RPN1: variants seen among roughly 807,000 people sequenced by gnomAD.
RPN1 encodes the protein dolichyl-diphosphooligosaccharide--protein glycosyltransferase subunit 1.
In RPN1, 12 loss-of-function variants were observed where a neutral mutation model predicts 55.5. The observed-to-expected ratio is 0.22, with a 90% CI of 0.14 to 0.35. RPN1 has a LOEUF of 0.35. Among genes scored for constraint, RPN1 ranks in the 10% least tolerant of loss-of-function variants. The probability of loss-of-function intolerance (pLI) is 1.00; values close to 1 mark genes in which losing one functional copy is unlikely to be tolerated. For missense variants in RPN1, 679 were observed against 761.3 expected (o/e 0.89, Z 1.27); for synonymous variants, 317 against 305.9 (o/e 1.04, Z -0.38).
At chr3:128,628,174 T>C (rs1407780116) in intron 5 of RPN1, among the ~76,000 whole-genome samples, 4 of 151,984 alleles carry the variant, frequency 2.6e-5, no homozygotes, top group Non-Finnish European at 4.4e-5. Context: ...GGAGAATCTC[T>C]TGAACCCAGG....
In RPN1 at chr3:128,634,444, A is replaced by G. The variant is rs144605401; in HGVS notation, c.634-2287T>C. 4.5e-4 allele frequency among the ~76,000 whole-genome samples: 69 copies of G among 152,298 alleles called. 1 individual carries two copies. The highest frequency in any genetic ancestry group is 1.5e-3 in the African/African-American group (63 of 41,568). On this transcript the variant is annotated intron_variant, in intron 3 of 9. Transcript: ENST00000296255. ...TATACATAATATGACAATAAGCATA[A>G]TAAGTACATTAAAAAGCCCTATGCT...
chr3:128,636,964 C>G (rs1011918621), intron 3 of RPN1, among the ~76,000 whole-genome samples: 1 of 152,186 alleles, frequency 6.6e-6, no homozygotes, highest in African/African-American at 2.4e-5. Context: ...AGGCCAGGGA[C>G]CATGGCTCAT....
chr3:128,620,379 A>ACCCTGGGCC lies in RPN1; in HGVS notation c.*23_*31dup, dbSNP rs757042511. On this transcript the variant is annotated 3_prime_UTR_variant, in exon 10 of 10. Coordinates refer to ENST00000296255, the MANE Select transcript of RPN1 (RefSeq NM_002950.4). ...CTGCCTGCCACAGCAAAGTGCAGGC[A>ACCCTGGGCC]CCCTGGGCCCCCTGGAGGATGCGGG... is the stretch of plus-strand genomic sequence containing the variant. The ACCCTGGGCC allele has an allele frequency of 1.4e-4, 228 of 1,588,834 alleles. No individual in the cohort carries two copies. Among genetic ancestry groups the ACCCTGGGCC allele is most frequent in the Non-Finnish European group, 3.8e-5 (44 of 1,163,748 alleles).
At chr3:128,631,883 G>A in intron 4 of RPN1, 65 bp downstream of exon 4, 1 of 1,565,106 alleles carries the variant, frequency 6.4e-7, no homozygotes, top group Non-Finnish European at 8.8e-7. Flanking sequence ...GTTTCGAAAA[G>A]CAAAGAATAG....
chr3:128,647,368 T>C (rs1211333957), intron 1 of RPN1, among the ~76,000 whole-genome samples: 1 of 152,052 alleles, frequency 6.6e-6, no homozygotes, highest in Non-Finnish European at 1.5e-5. Flanking sequence ...ACAAACAAGT[T>C]TCATTACTTT....
At chr3:128,640,721 C>T (rs1343635897) in intron 2 of RPN1, among the ~76,000 whole-genome samples, 1 of 152,172 alleles carries the variant, frequency 6.6e-6, no homozygotes, top group Non-Finnish European at 1.5e-5. Flanking sequence ...GCCCTGTCCC[C>T]AATACCTGGG....
intron 9 of RPN1, among the ~76,000 whole-genome samples, chr3:128,620,802 G>A (rs375609743): frequency 3.3e-5 from 5 of 152,142 alleles, no homozygotes; most frequent in African/African-American, 7.2e-5. Flanking sequence ...CACAAGCCCC[G>A]TTCTTACGCC....
intron 3 of RPN1, 21 bp from the exon 4 acceptor site, chr3:128,632,178 A>G: frequency 6.2e-7 from 1 of 1,612,512 alleles, no homozygotes; most frequent in Non-Finnish European, 8.5e-7. Context: ...GGAAACAAAT[A>G]GTTCAAAGTT....
At position 128,632,116 on chromosome 3, in the gene RPN1, C is replaced by A; in HGVS notation, c.675G>T (p.Leu225=). The A allele has an allele frequency of 6.2e-7, 1 of 1,614,118 alleles. No individual in the cohort carries two copies. Among genetic ancestry groups the A allele is most frequent in the South Asian group, 1.1e-5 (1 of 91,072 alleles). ...TGACTCGGGTCATGCTGGTGATGGT[C>A]AGGAAAGGGCTGTTGTTCTCATAAT... The part of the protein sequence containing the change: ...KVHYENNSPF[L]TITSMTRVIE... Residue 225 remains leucine (L), a synonymous_variant, in exon 4 of 10, where the codon CTG becomes CTT. Coordinates refer to ENST00000296255, the MANE Select transcript of RPN1 (RefSeq NM_002950.4).
intron 2 of RPN1, among the ~76,000 whole-genome samples, chr3:128,638,996 C>T (rs943245714): frequency 6.6e-6 from 1 of 151,854 alleles, no homozygotes; most frequent in Admixed American, 6.6e-5. Context: ...AACCACACAA[C>T]AGAATACTGA....
chr3:128,647,131 A>C (rs561420829), intron 1 of RPN1, among the ~76,000 whole-genome samples: 1 of 152,254 alleles, frequency 6.6e-6, no homozygotes, highest in East Asian at 1.9e-4. Context: ...AGTTATCTCC[A>C]ATCATAAGAC....
chr3:128,628,029 G>A (rs2069612892), intron 5 of RPN1, among the ~76,000 whole-genome samples: 2 of 8,662 alleles, frequency 2.3e-4, no homozygotes, highest in South Asian at 5.2e-3. Context: ...AGGCTGAGGT[G>A]GGTGGATCAC....
rs146384982 is a variant in RPN1 at position 128,642,485 on chromosome 3, G to A, written c.326+2434C>T. 3.9e-5 allele frequency: 6 copies of A among 152,252 alleles called. No individual in the cohort carries two copies. In the East Asian group the frequency reaches 9.7e-4, roughly 25 times the overall value. The allele number at this position is 152,252 out of a possible 1,614,324, so 9.4% of individuals were successfully genotyped here. A position where few individuals can be genotyped will look rare whatever the true frequency, so the allele number is the denominator to read the frequency against. The stretch of plus-strand genomic sequence containing the variant: ...AAGGCAGGTGGATCACCTGAGGTCA[G>A]GAATTCAAAACCAGCCTGGCCAACA... On this transcript the variant is annotated intron_variant, in intron 2 of 9. Coordinates refer to ENST00000296255, the MANE Select transcript of RPN1 (RefSeq NM_002950.4).
At chr3:128,647,743 C>T (rs900921045) in intron 1 of RPN1, among the ~76,000 whole-genome samples, 18 of 150,546 alleles carry the variant, frequency 1.2e-4, no homozygotes, top group African/African-American at 3.7e-4. Flanking sequence ...GTATCAGGAA[C>T]TCTCATTGTG....
At chr3:128,632,600 T>A (rs2069649843) in intron 3 of RPN1, among the ~76,000 whole-genome samples, 1 of 152,188 alleles carries the variant, frequency 6.6e-6, no homozygotes, top group Admixed American at 6.5e-5. Flanking sequence ...TTCACTTTTT[T>A]TTCTTTCTTT....
At chr3:128,641,852 C>T (rs1401045347) in intron 2 of RPN1, among the ~76,000 whole-genome samples, 1 of 152,080 alleles carries the variant, frequency 6.6e-6, no homozygotes, top group African/African-American at 2.4e-5. Flanking sequence ...CTCAGGTGAT[C>T]TGCCTGCCTC....
intron 6 of RPN1, 149 bp downstream of exon 6, chr3:128,626,584 A>C (rs2069601515): frequency 1.5e-6 from 1 of 663,012 alleles, no homozygotes; most frequent in Non-Finnish European, 2.6e-6. Flanking sequence ...CATGTGACTC[A>C]AGAGAGGCCA....
Position 128,632,003 on chromosome 3 carries a change from C to A in RPN1, c.788G>T (p.Arg263Leu). The stretch of plus-strand genomic sequence containing the variant: ...ATCTGGCTGTCTCTGGTAATCATAG[C>A]GTGAGAAAGGCCCCTTAAGCACAGC... Reference protein sequence around the residue: ...TGAVLKGPFSRYDYQRQPDSG... With the variant: ...TGAVLKGPFSLYDYQRQPDSG... The change falls in exon 4 of 10, where the codon CGC (arginine) becomes CTC (leucine). Residue 263 changes from arginine (R) to leucine (L), a missense_variant. Coordinates refer to ENST00000296255, the MANE Select transcript of RPN1 (RefSeq NM_002950.4). 2 of 1,614,164 alleles carry A rather than the reference C, an allele frequency of 1.2e-6. No individual in the cohort carries two copies. Among genetic ancestry groups the A allele is most frequent in the Non-Finnish European group, 1.7e-6 (2 of 1,180,038 alleles).
intron 3 of RPN1, among the ~76,000 whole-genome samples, chr3:128,633,030 C>T (rs889769099): frequency 2.0e-5 from 3 of 152,252 alleles, no homozygotes; most frequent in Admixed American, 6.5e-5. Context: ...CTAGTTTATT[C>T]GCTAGTTTAT....
Sources: gnomAD v4.1 joint callset for allele counts (sites outside exome capture counted in the v4.1 genomes callset) on GRCh38, gnomAD v4.1.1 for gene constraint, MANE v1.5 for transcripts, NCBI Gene and HGNC (gene_info 2026-07-23, HGNC 2026-07-21) for gene names.